The following RAPGEF1 variants were observed in gnomAD, a reference collection of about 807,000 sequenced individuals.
The protein encoded by RAPGEF1 is Rap guanine nucleotide exchange factor 1.
RAPGEF1 carries 33 observed loss-of-function variants against 143.3 expected under a neutral mutation model. The ratio of observed to expected loss-of-function variants is 0.23; its 90% CI spans 0.17 to 0.31. The LOEUF is 0.31. Among genes scored for constraint, RAPGEF1 ranks in the 10% least tolerant of loss-of-function variants. The pLI is 1.00. For missense variants in RAPGEF1, 1,199 were observed against 1,645.4 expected (o/e 0.73, Z 4.69); for synonymous variants, 629 against 676.5 (o/e 0.93, Z 1.09).
At chr9:131,687,484 C>T (rs1443205327) in intron 1 of RAPGEF1, among the ~76,000 whole-genome samples, 4 of 149,362 alleles carry the variant, frequency 2.7e-5, no homozygotes, top group Admixed American at 6.6e-5. Flanking sequence ...CGTGAGCCAT[C>T]GCACCCGGCC....
chr9:131,605,705 AT>A (rs1302223604), intron 12 of RAPGEF1, among the ~76,000 whole-genome samples: 2 of 152,056 alleles, frequency 1.3e-5, no homozygotes, highest in Admixed American at 1.3e-4. Context: ...CACTATGGAA[AT>A]GCTAACGATG....
intron 1 of RAPGEF1, among the ~76,000 whole-genome samples, chr9:131,727,756 T>C (rs1035399163): frequency 5.3e-5 from 8 of 152,178 alleles, no homozygotes; most frequent in Non-Finnish European, 7.3e-5. Context: ...TATAAAAGCT[T>C]CATTCTACAA....
intron 1 of RAPGEF1, among the ~76,000 whole-genome samples, chr9:131,690,276 G>C (rs1486873582): frequency 6.6e-6 from 1 of 152,140 alleles, no homozygotes; most frequent in East Asian, 1.9e-4. Context: ...AAGGGAAAAA[G>C]AAAGTAATTT....
chr9:131,603,587 C>T (rs1036882094), intron 14 of RAPGEF1, among the ~76,000 whole-genome samples: 4 of 152,264 alleles, frequency 2.6e-5, no homozygotes, highest in Admixed American at 1.3e-4. Context: ...AAGAGTCCCT[C>T]CCTCTGCATG....
At chr9:131,701,531 T>C (rs1485903284) in intron 1 of RAPGEF1, among the ~76,000 whole-genome samples, 1 of 152,274 alleles carries the variant, frequency 6.6e-6, no homozygotes, top group African/African-American at 2.4e-5. Flanking sequence ...ACTGGCATTA[T>C]TGTAATACTG....
chr9:131,643,802 G>T (rs1054399273), intron 3 of RAPGEF1, among the ~76,000 whole-genome samples: 2 of 152,160 alleles, frequency 1.3e-5, no homozygotes, highest in Non-Finnish European at 2.9e-5. Context: ...TGGTACATCT[G>T]TATCCTGTAA....
At chr9:131,633,795 A>G (rs1268473556) in intron 5 of RAPGEF1, among the ~76,000 whole-genome samples, 4 of 152,166 alleles carry the variant, frequency 2.6e-5, no homozygotes, top group Non-Finnish European at 5.9e-5. Context: ...TGCCTTAACT[A>G]TCACAGAGGA....
At chr9:131,737,825 C>T (rs941403758) in intron 1 of RAPGEF1, among the ~76,000 whole-genome samples, 2 of 152,110 alleles carry the variant, frequency 1.3e-5, no homozygotes, top group African/African-American at 2.4e-5. Context: ...ATTTGCCAGG[C>T]GTGGTGGCAG....
chr9:131,654,745 T>C (rs1972010579), intron 1 of RAPGEF1, among the ~76,000 whole-genome samples: 1 of 152,224 alleles, frequency 6.6e-6, no homozygotes, highest in Non-Finnish European at 1.5e-5. Context: ...GTCTTGTTCA[T>C]GCCTGTTTTC....
chr9:131,586,827 G>A (rs1377692482), intron 22 of RAPGEF1, among the ~76,000 whole-genome samples: 3 of 98,968 alleles, frequency 3.0e-5, no homozygotes, highest in East Asian at 2.7e-4. Context: ...CCTGCAGAGC[G>A]AGACTCCGTC....
chr9:131,710,477 AT>A (rs1374444478), intron 1 of RAPGEF1, among the ~76,000 whole-genome samples: 1 of 152,240 alleles, frequency 6.6e-6, no homozygotes, highest in Non-Finnish European at 1.5e-5. Context: ...TCAATCACAT[AT>A]TCTTGGTAAA....
At position 131,703,531 on chromosome 9, in the gene RAPGEF1, C is replaced by T. The variant is rs565558403; in HGVS notation, c.61+36239G>A. 1.5e-4 allele frequency among the ~76,000 whole-genome samples: 23 copies of T among 152,302 alleles called. No homozygotes were observed. In the South Asian group the frequency reaches 4.8e-3, roughly 32 times the overall value. The stretch of plus-strand genomic sequence containing the variant: ...ACAGACTCCTTCATCCTCACAACAT[C>T]CTATGAAGTGGGCCCTATTTGCAGA... On this transcript the variant is annotated intron_variant, in intron 1 of 26. Coordinates refer to ENST00000683357, the MANE Select transcript of RAPGEF1 (RefSeq NM_001377935.1).
intron 16 of RAPGEF1, among the ~76,000 whole-genome samples, chr9:131,596,723 AG>A (rs1389931125): frequency 1.3e-5 from 2 of 152,160 alleles, no homozygotes; most frequent in Non-Finnish European, 2.9e-5. Context: ...ACCACAAGTC[AG>A]AGGTGAGGTA....
At chr9:131,627,040 C>T (rs528518488) in intron 9 of RAPGEF1, among the ~76,000 whole-genome samples, 3 of 151,854 alleles carry the variant, frequency 2.0e-5, no homozygotes, top group East Asian at 1.9e-4. Flanking sequence ...GGTGAAATCC[C>T]GTCTCTACTA....
intron 1 of RAPGEF1, among the ~76,000 whole-genome samples, chr9:131,681,421 T>C (rs1315127434): frequency 1.3e-5 from 2 of 152,212 alleles, no homozygotes; most frequent in East Asian, 1.9e-4. Flanking sequence ...AGGGAAATAT[T>C]ATAGCTACAT....
intron 20 of RAPGEF1, 44 bp downstream of exon 20, chr9:131,588,757 C>G (rs549996439): frequency 6.4e-7 from 1 of 1,556,652 alleles, no homozygotes; most frequent in Non-Finnish European, 8.7e-7. Flanking sequence ...GAGAAAGGCA[C>G]GGCTCCTGGG....
At chr9:131,640,012 T>C (rs944432782) in intron 4 of RAPGEF1, among the ~76,000 whole-genome samples, 4 of 152,194 alleles carry the variant, frequency 2.6e-5, no homozygotes, top group Admixed American at 6.5e-5. Flanking sequence ...TTCAAGTCCA[T>C]TAGAAACAAA....
intron 1 of RAPGEF1, among the ~76,000 whole-genome samples, chr9:131,710,611 G>A (rs1445631835): frequency 2.0e-5 from 3 of 152,174 alleles, no homozygotes; most frequent in East Asian, 1.9e-4. Context: ...GCTCTGAGCC[G>A]GGCGAGGTGG....
rs1252508430 is a variant in RAPGEF1 at position 131,643,351 on chromosome 9, C to A, written c.382G>T (p.Val128Leu). The change falls in exon 4 of 27, where the codon GTG becomes TTG. Residue 128 changes from valine to leucine, a missense_variant. Val to Leu is a conservative substitution (Grantham distance 32). Coordinates refer to ENST00000683357, the MANE Select transcript of RAPGEF1 (RefSeq NM_001377935.1). Reference sequence around the variant, plus strand: ...TTCTTATCAATTGCCATTTTGTCCACAATGGTCTTAAAGTAGCGCAGGGCA... The same window carrying A: ...TTCTTATCAATTGCCATTTTGTCCAAAATGGTCTTAAAGTAGCGCAGGGCA... ...VSALRYFKTI[V>L]DKMAIDKKVL... 1 of 1,613,752 alleles carries A rather than the reference C, an allele frequency of 6.2e-7. No individual in the cohort carries two copies. Among genetic ancestry groups the A allele is most frequent in the East Asian group, 2.2e-5 (1 of 44,898 alleles).
Sources: allele counts gnomAD v4.1 joint callset (sites outside exome capture counted in the v4.1 genomes callset), GRCh38; gene constraint gnomAD v4.1.1; transcripts MANE v1.5; gene names NCBI Gene and HGNC (gene_info 2026-07-23, HGNC 2026-07-21).